Variants in ADCK1 observed in about 807,000 individuals in gnomAD.
The protein encoded by ADCK1 is aarF domain-containing protein kinase 1.
Under a neutral mutation model 52.3 loss-of-function variants are expected in ADCK1, and 41 were observed. The ratio of observed to expected loss-of-function variants is 0.78; its 90% CI spans 0.61 to 1.02. ADCK1 has a LOEUF of 1.02. Among genes scored for constraint, ADCK1 ranks in the 50% least tolerant of loss-of-function variants. The probability of loss-of-function intolerance (pLI) is 0.00; values close to 1 mark genes in which losing one functional copy is unlikely to be tolerated. For synonymous variants in ADCK1, 250 were observed against 274.6 expected (o/e 0.91, Z 0.89); for missense variants, 658 against 679.5 (o/e 0.97, Z 0.35).
At chr14:77,825,421 G>C (rs1464403983) in intron 3 of ADCK1, among the ~76,000 whole-genome samples, 1 of 152,104 alleles carries the variant, frequency 6.6e-6, no homozygotes, top group South Asian at 2.1e-4. Flanking sequence ...CATTAGAGAT[G>C]GTTATGCCAC....
intron 6 of ADCK1, among the ~76,000 whole-genome samples, chr14:77,906,496 G>T (rs2083668831): frequency 6.6e-6 from 1 of 152,136 alleles, no homozygotes; most frequent in Non-Finnish European, 1.5e-5. Context: ...GTCAGAGAGG[G>T]TTGGAGAGTG....
intron 3 of ADCK1, among the ~76,000 whole-genome samples, chr14:77,828,335 G>T (rs2081765316): frequency 6.6e-6 from 1 of 152,220 alleles, no homozygotes; most frequent in African/African-American, 2.4e-5. Context: ...GAATGGAAAT[G>T]AGAAGCTTTG....
intron 3 of ADCK1, among the ~76,000 whole-genome samples, chr14:77,841,273 A>C (rs976047941): frequency 6.6e-6 from 1 of 152,120 alleles, no homozygotes; most frequent in Non-Finnish European, 1.5e-5. Context: ...ATGTGGTACA[A>C]AATGAGACGA....
chr14:77,889,749 T>C (rs2083240211), intron 5 of ADCK1, among the ~76,000 whole-genome samples: 1 of 152,174 alleles, frequency 6.6e-6, no homozygotes, highest in South Asian at 2.1e-4. Flanking sequence ...AATAGTGCTC[T>C]TGGCAGTTTT....
At chr14:77,854,555 CTTTTTT>C (rs60062127) in intron 3 of ADCK1, among the ~76,000 whole-genome samples, 108 of 128,568 alleles carry the variant, frequency 8.4e-4, no homozygotes, top group Middle Eastern at 3.9e-3. Context: ...TCGGAGTGGG[CTTTTTT>C]TTTTTTTTTT....
At chr14:77,861,669 A>C (rs1389365437) in intron 4 of ADCK1, among the ~76,000 whole-genome samples, 1 of 152,140 alleles carries the variant, frequency 6.6e-6, no homozygotes, top group Non-Finnish European at 1.5e-5. Context: ...GAGCTCAGAG[A>C]TTCCATAAGT....
At chr14:77,830,384 A>G (rs1164270575) in intron 3 of ADCK1, among the ~76,000 whole-genome samples, 3 of 151,054 alleles carry the variant, frequency 2.0e-5, no homozygotes, top group Non-Finnish European at 4.4e-5. Context: ...CGAACTCCTG[A>G]CCTCAAATGA....
chr14:77,915,794 T>C (rs1436951508), intron 7 of ADCK1, among the ~76,000 whole-genome samples: 1 of 152,208 alleles, frequency 6.6e-6, no homozygotes, highest in Non-Finnish European at 1.5e-5. Flanking sequence ...GGAGTTGGCC[T>C]TCCTGGATTC....
chr14:77,817,804 C>T (rs566764703), intron 1 of ADCK1, among the ~76,000 whole-genome samples: 4 of 151,582 alleles, frequency 2.6e-5, no homozygotes, highest in African/African-American at 9.7e-5. Context: ...GGCGCAATCT[C>T]GGCTTACTGC....
chr14:77,917,267 T>C (rs370260070), intron 7 of ADCK1, among the ~76,000 whole-genome samples: 257 of 152,268 alleles, frequency 1.7e-3, no homozygotes, highest in African/African-American at 4.1e-3. Flanking sequence ...TCTTTCAAGC[T>C]GTTATGCCTC....
chr14:77,804,272 A>G (rs1205254067), intron 1 of ADCK1, among the ~76,000 whole-genome samples: 1 of 152,172 alleles, frequency 6.6e-6, no homozygotes, highest in African/African-American at 2.4e-5. Flanking sequence ...CAATTGACAG[A>G]CATATTTCAC....
chr14:77,934,708 AT>A lies in ADCK1; in HGVS notation c.*1320del, dbSNP rs1245813459. 6.6e-6 allele frequency: 1 copy of A among 152,148 alleles called. No individual in the cohort carries two copies. The highest frequency in any genetic ancestry group is 1.9e-4 in the East Asian group (1 of 5,190). The allele number at this position is 152,148 out of a possible 1,614,324, so 9.4% of individuals were successfully genotyped here. ...GTCTGCTTTCACGGACAGTAATTGT[AT>A]TTGAGCCTCTCTGATCTTACTTCAC... On this transcript the variant is annotated 3_prime_UTR_variant, in exon 11 of 11. Coordinates refer to ENST00000238561, the MANE Select transcript of ADCK1 (RefSeq NM_020421.4).
intron 3 of ADCK1, among the ~76,000 whole-genome samples, chr14:77,844,885 A>G (rs991368226): frequency 6.6e-6 from 1 of 152,220 alleles, no homozygotes; most frequent in African/African-American, 2.4e-5. Context: ...GTCTGAGTGC[A>G]GGTTGGAGAA....
At chr14:77,929,403 T>G (rs1200332548) in intron 9 of ADCK1, among the ~76,000 whole-genome samples, 1 of 152,264 alleles carries the variant, frequency 6.6e-6, no homozygotes, top group Non-Finnish European at 1.5e-5. Flanking sequence ...TCATTCAGTG[T>G]GGCTAGAGGC....
intron 4 of ADCK1, among the ~76,000 whole-genome samples, chr14:77,866,875 A>T (rs1005201998): frequency 6.6e-6 from 1 of 152,146 alleles, no homozygotes; most frequent in East Asian, 1.9e-4. Context: ...GAAGCGGGGC[A>T]GGAGAGCCCC....
intron 1 of ADCK1, among the ~76,000 whole-genome samples, chr14:77,802,330 C>T (rs2081127363): frequency 6.6e-6 from 1 of 152,128 alleles, no homozygotes; most frequent in African/African-American, 2.4e-5. Context: ...TTGCATCTGG[C>T]TTTGCCCTAT....
chr14:77,887,484 GT>G lies in ADCK1; in HGVS notation c.582+236del, dbSNP rs370240945. On this transcript the variant is annotated intron_variant, in intron 5 of 10. Coordinates refer to ENST00000238561, the MANE Select transcript of ADCK1 (RefSeq NM_020421.4). ...TCCCTGGAGTTCCCAGGAACTGCCT[GT>G]GATGGTCTCAAAACACACTAAGTGG... Among the ~76,000 whole-genome samples, 168 of 152,334 alleles carry G rather than the reference GT, an allele frequency of 1.1e-3. 2 individuals carry two copies. In the South Asian group the frequency reaches 0.015, roughly 13 times the overall value.
At chr14:77,867,008 T>G (rs527406813) in intron 4 of ADCK1, among the ~76,000 whole-genome samples, 2 of 152,302 alleles carry the variant, frequency 1.3e-5, no homozygotes, top group African/African-American at 4.8e-5. Flanking sequence ...CTCCTCTTAT[T>G]TACTCATGTG....
intron 4 of ADCK1, among the ~76,000 whole-genome samples, chr14:77,867,670 T>A (rs112906609): frequency 6.6e-6 from 1 of 152,220 alleles, no homozygotes; most frequent in African/African-American, 2.4e-5. Context: ...TTGTGCTTCC[T>A]GCTGATGCCC....
Sources: allele counts gnomAD v4.1 joint callset (sites outside exome capture counted in the v4.1 genomes callset), GRCh38; gene constraint gnomAD v4.1.1; transcripts MANE v1.5; gene names NCBI Gene and HGNC (gene_info 2026-07-23, HGNC 2026-07-21).